RCBTB1: variants seen among roughly 807,000 people sequenced by gnomAD.
The protein encoded by RCBTB1 is RCC1 and BTB domain containing protein 1, also known as RCC1 and BTB domain-containing protein 1.
A neutral mutation model predicts 62.4 loss-of-function variants in RCBTB1; 46 were observed. That is an observed-to-expected ratio of 0.74 (90% CI 0.58 to 0.94). The LOEUF (loss-of-function observed/expected upper bound fraction) is 0.94. RCBTB1 is among the 40% of genes least tolerant of loss of function. The pLI is 0.00. For synonymous variants in RCBTB1, 222 were observed against 245.8 expected, an observed-to-expected ratio of 0.90 and a Z score of 0.91; for missense variants, 565 against 654.9, an observed-to-expected ratio of 0.86 and a Z score of 1.50.
chr13:49,543,066 C>T (rs1007062451), intron 10 of RCBTB1, among the ~76,000 whole-genome samples: 7 of 152,104 alleles, frequency 4.6e-5, no homozygotes, highest in Non-Finnish European at 8.8e-5. Context: ...AGTTTGAGAC[C>T]GGCCTGGCCA....
chr13:49,545,372 T>C (rs954475361), intron 9 of RCBTB1, among the ~76,000 whole-genome samples: 3 of 152,180 alleles, frequency 2.0e-5, no homozygotes, highest in African/African-American at 7.2e-5. Flanking sequence ...CTTTCCTAAG[T>C]ATCTGGAATC....
rs1009474270 is a variant in RCBTB1, at chr13:49,582,123, T to C, written c.-121-1539A>G. Among the ~76,000 whole-genome samples, 4 of 152,156 alleles carry C rather than the reference T, an allele frequency of 2.6e-5. No homozygotes were observed. The South Asian group carries it at 8.3e-4, about 32-fold the overall frequency. ...TAATGGGAAGGAGCCAGTAGAAACA[T>C]CAAAGAGGAGAGGATGTAACAACTC... is the stretch of plus-strand genomic sequence containing the variant. On this transcript the variant is annotated intron_variant, in intron 1 of 12. Transcript: ENST00000378302.
intron 10 of RCBTB1, 96 bp from the exon 11 acceptor site, chr13:49,541,923 A>G: frequency 1.4e-6 from 2 of 1,394,246 alleles, no homozygotes; most frequent in Non-Finnish European, 1.9e-6. Flanking sequence ...AGATAAACAG[A>G]AGTATCCTTG....
intron 5 of RCBTB1, among the ~76,000 whole-genome samples, chr13:49,557,603 G>A (rs1044646678): frequency 6.6e-6 from 1 of 152,034 alleles, no homozygotes; most frequent in African/African-American, 2.4e-5. Context: ...TTAGCAAAGA[G>A]CATGGGACTC....
chr13:49,566,585 C>A (rs1245431675), intron 4 of RCBTB1, 33 bp downstream of exon 4: 1 of 1,599,048 alleles, frequency 6.3e-7, no homozygotes, highest in South Asian at 1.1e-5. Context: ...CAATTTCTTA[C>A]AAACTGAAAA....
intron 5 of RCBTB1, among the ~76,000 whole-genome samples, chr13:49,556,219 TAG>T (rs1961851984): frequency 2.7e-5 from 4 of 146,248 alleles, no homozygotes; most frequent in Admixed American, 2.7e-4. Context: ...TTTTTTGAGA[TAG>T]AGTTTCACTC....
chr13:49,560,912 C>A (rs553452033), intron 4 of RCBTB1, among the ~76,000 whole-genome samples: 67 of 152,258 alleles, frequency 4.4e-4, no homozygotes, highest in African/African-American at 1.2e-3. Flanking sequence ...GAGGGGTGCA[C>A]GGAGCTCCCA....
intron 5 of RCBTB1, 113 bp downstream of exon 5, chr13:49,559,805 C>CTTAA: frequency 1.1e-6 from 1 of 942,614 alleles, no homozygotes; most frequent in Non-Finnish European, 1.5e-6. Flanking sequence ...GGTGAACATA[C>CTTAA]TTAACACCAC....
At chr13:49,571,118 G>A (rs981936502) in intron 2 of RCBTB1, among the ~76,000 whole-genome samples, 4 of 152,130 alleles carry the variant, frequency 2.6e-5, no homozygotes, top group East Asian at 1.9e-4. Context: ...AGGCCGAGGC[G>A]GGCGGACCAC....
intron 2 of RCBTB1, among the ~76,000 whole-genome samples, chr13:49,569,359 A>G (rs997026064): frequency 6.6e-6 from 1 of 152,122 alleles, no homozygotes; most frequent in Non-Finnish European, 1.5e-5. Flanking sequence ...GGACTGCTTG[A>G]GCCCAGCAGT....
intron 5 of RCBTB1, among the ~76,000 whole-genome samples, chr13:49,559,112 T>C (rs909905872): frequency 3.9e-5 from 6 of 152,246 alleles, no homozygotes; most frequent in Non-Finnish European, 7.3e-5. Context: ...CTGGTTTCAT[T>C]ACATGTCTTT....
At chr13:49,561,527 TA>T (rs1012305675) in intron 4 of RCBTB1, among the ~76,000 whole-genome samples, 26 of 152,294 alleles carry the variant, frequency 1.7e-4, no homozygotes, top group African/African-American at 6.3e-4. Context: ...ATGTCCAAAC[TA>T]ATGAGTGTTT....
At chr13:49,560,493 G>A (rs1201405566) in intron 4 of RCBTB1, among the ~76,000 whole-genome samples, 2 of 152,180 alleles carry the variant, frequency 1.3e-5, no homozygotes, top group African/African-American at 2.4e-5. Context: ...CACAGGGGGC[G>A]TGTGGCTACT....
At chr13:49,582,077 G>A (rs1964131630) in intron 1 of RCBTB1, among the ~76,000 whole-genome samples, 1 of 152,222 alleles carries the variant, frequency 6.6e-6, no homozygotes, top group Admixed American at 6.5e-5. Context: ...AACATTGTTA[G>A]AGGCTTGAAC....
intron 12 of RCBTB1, among the ~76,000 whole-genome samples, chr13:49,539,223 T>C (rs1277047975): frequency 6.6e-6 from 1 of 152,240 alleles, no homozygotes; most frequent in Non-Finnish European, 1.5e-5. Context: ...TTCACTCATT[T>C]ATTTAATTCA....
At chr13:49,560,488 G>C (rs950841790) in intron 4 of RCBTB1, among the ~76,000 whole-genome samples, 1 of 152,162 alleles carries the variant, frequency 6.6e-6, no homozygotes, top group African/African-American at 2.4e-5. Flanking sequence ...GAACCCACAG[G>C]GGGCGTGTGG....
intron 12 of RCBTB1, among the ~76,000 whole-genome samples, chr13:49,538,581 G>C (rs921567966): frequency 2.0e-5 from 3 of 152,082 alleles, no homozygotes; most frequent in South Asian, 4.2e-4. Flanking sequence ...GCTGGGTGTG[G>C]TGGCACACAT....
intron 1 of RCBTB1, among the ~76,000 whole-genome samples, chr13:49,583,181 A>G (rs1314692284): frequency 6.6e-6 from 1 of 152,086 alleles, no homozygotes; most frequent in Non-Finnish European, 1.5e-5. Flanking sequence ...TCTCAAAAAG[A>G]AAAAAGTGGA....
At chr13:49,535,337 T>C (rs897045495) in intron 12 of RCBTB1, among the ~76,000 whole-genome samples, 1 of 152,134 alleles carries the variant, frequency 6.6e-6, no homozygotes, top group Non-Finnish European at 1.5e-5. Context: ...CCTTAGGATG[T>C]TGGAATATAT....
Sources: gnomAD v4.1 joint callset for allele counts (sites outside exome capture counted in the v4.1 genomes callset) on GRCh38, gnomAD v4.1.1 for gene constraint, MANE v1.5 for transcripts, NCBI Gene and HGNC (gene_info 2026-07-23, HGNC 2026-07-21) for gene names.